Variants in ODR4 observed in about 807,000 individuals in gnomAD.
The protein encoded by ODR4 is protein odr-4 homolog.
In ODR4, 47 loss-of-function variants were observed where a neutral mutation model predicts 60.2. The ratio of observed to expected loss-of-function variants is 0.78; its 90% CI spans 0.62 to 1.00. The LOEUF is 1.00. Ranked by LOEUF, ODR4 falls within the 50% of genes least tolerant of loss-of-function variation. ODR4 has a pLI of 0.00. For missense variants in ODR4, 488 were observed against 530.8 expected (o/e 0.92, Z 0.79); for synonymous variants, 178 against 175.5 (o/e 1.01, Z -0.11).
At chr1:186,416,790 A>G (rs551215553) in intron 12 of ODR4, among the ~76,000 whole-genome samples, 1 of 137,344 alleles carries the variant, frequency 7.3e-6, no homozygotes, top group African/African-American at 2.7e-5. Context: ...TGGGAGGCAG[A>G]GGTTGCAGTG....
At chr1:186,410,739 G>T (rs1252697677) in intron 12 of ODR4, among the ~76,000 whole-genome samples, 1 of 152,174 alleles carries the variant, frequency 6.6e-6, no homozygotes, top group African/African-American at 2.4e-5. Context: ...TAGTGGGCTG[G>T]GTGCGGTGGC....
intron 11 of ODR4, among the ~76,000 whole-genome samples, chr1:186,405,076 A>T (rs1558088180): frequency 2.6e-5 from 4 of 152,116 alleles, no homozygotes; most frequent in African/African-American, 7.2e-5. Flanking sequence ...ATTTAGATTT[A>T]TTTTTTTCTA....
intron 12 of ODR4, among the ~76,000 whole-genome samples, chr1:186,409,192 CAAA>C (rs58735021): frequency 7.2e-5 from 8 of 111,056 alleles, no homozygotes; most frequent in Non-Finnish European, 9.5e-5. Context: ...GACCCTGTCT[CAAA>C]AAAAAAAAAA....
At chr1:186,380,218 CTTTTT>C (rs2102012390) in intron 2 of ODR4, among the ~76,000 whole-genome samples, 1 of 152,240 alleles carries the variant, frequency 6.6e-6, no homozygotes, top group Admixed American at 6.5e-5. Context: ...CCCTTCTAAT[CTTTTT>C]AATATCTGGT....
Position 186,417,541 on chromosome 1 carries a change from C to T in ODR4, c.1187-3C>T. 1 of 1,508,570 alleles carries T rather than the reference C, an allele frequency of 6.6e-7. No homozygotes were observed. Among genetic ancestry groups the T allele is most frequent in the Non-Finnish European group, 9.1e-7 (1 of 1,097,398 alleles). The allele number at this position is 1,508,570 out of a possible 1,614,324, so 93.4% of individuals were successfully genotyped here. A position where few individuals can be genotyped will look rare whatever the true frequency, so the allele number is the denominator to read the frequency against. ...GGAATTTATTATTATTATACCCTTT[C>T]AGCTTGTATGAGTTCTTCTATGAAT... On this transcript the variant is annotated splice_region_variant and splice_polypyrimidine_tract_variant and intron_variant, in intron 12 of 13. Coordinates refer to ENST00000287859, the MANE Select transcript of ODR4 (RefSeq NM_017847.6).
At chr1:186,381,515 G>C (rs968052847) in intron 2 of ODR4, among the ~76,000 whole-genome samples, 18 of 152,046 alleles carry the variant, frequency 1.2e-4, no homozygotes, top group Admixed American at 1.0e-3. Flanking sequence ...TTTTAGTAGA[G>C]ACGGGGTTTC....
chr1:186,425,319 CTT>C (rs1661865260), downstream of ODR4, among the ~76,000 whole-genome samples: 1 of 152,086 alleles, frequency 6.6e-6, no homozygotes, highest in Non-Finnish European at 1.5e-5. Context: ...AATATACACT[CTT>C]GTTTAAAAAA....
At position 186,406,224 on chromosome 1, in the gene ODR4, C is replaced by G. The variant is rs1661169577; in HGVS notation, c.1142C>G (p.Thr381Arg). The G allele has an allele frequency of 6.2e-7, 1 of 1,606,318 alleles. No individual in the cohort carries two copies. Among genetic ancestry groups the G allele is most frequent in the Non-Finnish European group, 8.5e-7 (1 of 1,176,992 alleles). The change falls in exon 12 of 14, where the codon ACA becomes AGA. Residue 381 changes from threonine to arginine, a missense_variant. By Grantham distance (71) the Thr-to-Arg change is moderately conservative (BLOSUM62 -1). Transcript: ENST00000287859. Reference sequence around the variant, plus strand: ...CATTTTATGGAGATGTTGGATCACACAATTCAAATAGAAGATTTGGAAATT... The same window carrying G: ...CATTTTATGGAGATGTTGGATCACAGAATTCAAATAGAAGATTTGGAAATT... ...RDHFMEMLDH[T>R]IQIEDLEIAE...
intron 12 of ODR4, among the ~76,000 whole-genome samples, chr1:186,415,451 T>C (rs915330306): frequency 1.3e-5 from 2 of 152,182 alleles, no homozygotes; most frequent in Non-Finnish European, 2.9e-5. Flanking sequence ...TCTTGAGTTC[T>C]CTCTCTCTTT....
At chr1:186,394,277 C>T (rs1443711937) in intron 9 of ODR4, among the ~76,000 whole-genome samples, 1 of 151,854 alleles carries the variant, frequency 6.6e-6, no homozygotes, top group Non-Finnish European at 1.5e-5. Context: ...CATACATATA[C>T]ATGTATGTAT....
rs773909314 is a variant in ODR4 at position 186,386,042 on chromosome 1, A to G, written c.289A>G (p.Thr97Ala). 3.7e-6 allele frequency: 6 copies of G among 1,605,378 alleles called. No homozygotes were observed. In the South Asian group the frequency reaches 4.5e-5, roughly 12 times the overall value. ...AGTTCTTGGAGTATTTATTATTACTACTTTAGAACTGGCAAATGATTTTCA... is the reference window on the plus strand; with the variant it reads ...AGTTCTTGGAGTATTTATTATTACTGCTTTAGAACTGGCAAATGATTTTCA... ...LLVLGVFIIT[T>A]LELANDFQNA... is the part of the protein sequence containing the mutation. The change falls in exon 4 of 14, where the codon ACT (threonine) becomes GCT (alanine). Residue 97 changes from threonine (T) to alanine (A), a missense_variant. Physicochemically the swap from Thr to Ala is moderately conservative, Grantham distance 58. Coordinates refer to ENST00000287859, the MANE Select transcript of ODR4 (RefSeq NM_017847.6).
At chr1:186,398,075 G>T (rs772696314) in intron 9 of ODR4, among the ~76,000 whole-genome samples, 1 of 152,090 alleles carries the variant, frequency 6.6e-6, no homozygotes, top group Non-Finnish European at 1.5e-5. Context: ...GGTTATGTTA[G>T]AAAAATTTAG....
downstream of ODR4, among the ~76,000 whole-genome samples, chr1:186,421,976 T>TG (rs1432386444): frequency 6.7e-6 from 1 of 149,290 alleles, no homozygotes; most frequent in Non-Finnish European, 1.5e-5. Flanking sequence ...TGGAGGCGGG[T>TG]GGGGGGTGAA....
the ODR4 span, among the ~76,000 whole-genome samples, chr1:186,429,105 CTGGTTG>C: frequency 6.6e-6 from 1 of 151,970 alleles, no homozygotes; most frequent in Non-Finnish European, 1.5e-5. Flanking sequence ...CAAAAATTAA[CTGGTTG>C]TGGTTGGCAC....
rs1661746673 is a variant in ODR4 at position 186,420,827 on chromosome 1, G to A, written c.*1751G>A. The A allele has an allele frequency of 6.6e-6, 1 of 151,942 alleles. No homozygotes were observed. The highest frequency in any genetic ancestry group is 1.5e-5 in the Non-Finnish European group (1 of 67,994). 9.4% of individuals were successfully genotyped at this position (151,942 alleles called of 1,614,324 possible). A position where few individuals can be genotyped will look rare whatever the true frequency, so the allele number is the denominator to read the frequency against. On this transcript the variant is annotated 3_prime_UTR_variant, in exon 14 of 14. Coordinates refer to ENST00000287859, the MANE Select transcript of ODR4 (RefSeq NM_017847.6). ...AGAAAATTTAGAGAATAAAGGAGAG[G>A]CAGTACTTGAAAGATAACACAATTT...
intron 3 of ODR4, among the ~76,000 whole-genome samples, chr1:186,384,280 G>T (rs1308437740): frequency 6.6e-6 from 1 of 151,496 alleles, no homozygotes; most frequent in Non-Finnish European, 1.5e-5. Context: ...CAAGGGGTTG[G>T]GAGGTGCTAG....
At chr1:186,429,426 A>G in the ODR4 span, among the ~76,000 whole-genome samples, 4 of 152,208 alleles carry the variant, frequency 2.6e-5, no homozygotes, top group Non-Finnish European at 5.9e-5. Flanking sequence ...GTAAAAAATG[A>G]GGTATATGTG....
Position 186,383,278 on chromosome 1 carries a change from A to AT in ODR4, c.234+127dup, listed in dbSNP as rs1446534005. The AT allele has an allele frequency of 8.1e-6, 9 of 1,112,432 alleles. No homozygotes were observed. The Admixed American group carries it at 1.2e-4, about 15-fold the overall frequency. 68.9% of individuals were successfully genotyped at this position (1,112,432 alleles called of 1,614,324 possible). On this transcript the variant is annotated intron_variant, in intron 3 of 13. Transcript: ENST00000287859. ...GAGAAAGTAGCTAAAGATGACTGAG[A>AT]TTTTTAGTCTGGGTGTCTAGGAGGA...
chr1:186,390,939 C>A, intron 7 of ODR4, 88 bp downstream of exon 7: 2 of 1,297,184 alleles, frequency 1.5e-6, no homozygotes, highest in Non-Finnish European at 2.1e-6. Context: ...ATTTTACAAT[C>A]CTCAAAAATT....
Sources: allele counts gnomAD v4.1 joint callset (sites outside exome capture counted in the v4.1 genomes callset), GRCh38; gene constraint gnomAD v4.1.1; transcripts MANE v1.5; gene names NCBI Gene and HGNC (gene_info 2026-07-23, HGNC 2026-07-21).